The following ABCC1 variants were observed in gnomAD, a reference collection of about 807,000 sequenced individuals.
ABCC1 encodes the protein multidrug resistance-associated protein 1.
A neutral mutation model predicts 172.9 loss-of-function variants in ABCC1; 83 were observed. The ratio of observed to expected loss-of-function variants is 0.48; its 90% CI spans 0.40 to 0.58. The LOEUF (loss-of-function observed/expected upper bound fraction) is 0.58. Among genes scored for constraint, ABCC1 ranks in the 20% least tolerant of loss-of-function variants. The probability of loss-of-function intolerance (pLI) is 0.00; values close to 1 mark genes in which losing one functional copy is unlikely to be tolerated. For missense variants in ABCC1, 1,817 were observed against 2,002.7 expected, an observed-to-expected ratio of 0.91 and a Z score of 1.77; for synonymous variants, 937 against 825.2, an observed-to-expected ratio of 1.14 and a Z score of -2.32.
intron 29 of ABCC1, among the ~76,000 whole-genome samples, chr16:16,138,101 C>T (rs2045985670): frequency 6.6e-6 from 1 of 152,124 alleles, no homozygotes; most frequent in African/African-American, 2.4e-5. Context: ...AAGCTATCCT[C>T]CCACCTCAGC....
At chr16:16,045,446 A>G (rs889871198) in intron 8 of ABCC1, among the ~76,000 whole-genome samples, 2 of 151,690 alleles carry the variant, frequency 1.3e-5, no homozygotes, top group African/African-American at 4.8e-5. Flanking sequence ...AAAAACTGCA[A>G]CCAGGAACTG....
At chr16:16,093,694 C>G (rs1336979158) in intron 19 of ABCC1, among the ~76,000 whole-genome samples, 1 of 152,184 alleles carries the variant, frequency 6.6e-6, no homozygotes, top group East Asian at 1.9e-4. Flanking sequence ...CTGGTCTTGC[C>G]CAGCCTTAGC....
rs1390420368 is a variant in ABCC1 at position 16,124,385 on chromosome 16, G to A, written c.3591-404G>A. 9.5e-4 allele frequency among the ~76,000 whole-genome samples: 104 copies of A among 109,020 alleles called. 1 individual carries two copies. Among genetic ancestry groups the A allele is most frequent in the Middle Eastern group, 5.2e-3 (1 of 192 alleles). The allele number at this position is 109,020 out of a possible 152,430, so 71.5% of individuals were successfully genotyped here. A position where few individuals can be genotyped will look rare whatever the true frequency, so the allele number is the denominator to read the frequency against. ...TGACCCACTACGCCCGGCTGTGTGT[G>A]TGTGTGTGTGTGTGTGTGTGTGTGT... On this transcript the variant is annotated intron_variant, in intron 24 of 30. Coordinates refer to ENST00000399410, the MANE Select transcript of ABCC1 (RefSeq NM_004996.4).
intron 11 of ABCC1, among the ~76,000 whole-genome samples, chr16:16,055,094 G>A (rs1010827477): frequency 7.9e-5 from 12 of 152,178 alleles, no homozygotes; most frequent in African/African-American, 2.4e-5. Context: ...ACTGGGTGTG[G>A]TGGCATATGC....
At chr16:16,129,731 T>A (rs1166120005) in intron 26 of ABCC1, among the ~76,000 whole-genome samples, 1 of 151,992 alleles carries the variant, frequency 6.6e-6, no homozygotes, top group Non-Finnish European at 1.5e-5. Flanking sequence ...AGAGCCAGGG[T>A]TTCACCATGT....
chr16:16,063,716 G>C (rs2050006169), intron 12 of ABCC1, among the ~76,000 whole-genome samples: 1 of 152,146 alleles, frequency 6.6e-6, no homozygotes, highest in African/African-American at 2.4e-5. Flanking sequence ...CAACGTCTCT[G>C]ACTCTCAGCT....
chr16:16,038,597 C>T, intron 7 of ABCC1, among the ~76,000 whole-genome samples: 1 of 152,194 alleles, frequency 6.6e-6, no homozygotes, highest in South Asian at 2.1e-4. Context: ...TCCACTCATT[C>T]AAATGCCAGT....
At chr16:16,041,344 T>A (rs1214588071) in intron 7 of ABCC1, among the ~76,000 whole-genome samples, 1 of 152,088 alleles carries the variant, frequency 6.6e-6, no homozygotes, top group Non-Finnish European at 1.5e-5. Context: ...TTGTACAAGT[T>A]TTATTTATTC....
intron 7 of ABCC1, among the ~76,000 whole-genome samples, chr16:16,039,723 A>G (rs557285828): frequency 5.3e-5 from 8 of 152,084 alleles, no homozygotes; most frequent in Non-Finnish European, 7.3e-5. Context: ...TTTTTGTTCA[A>G]CATGCCCAGC....
chr16:16,051,611 A>T (rs2151901021), intron 10 of ABCC1, among the ~76,000 whole-genome samples: 1 of 152,248 alleles, frequency 6.6e-6, no homozygotes, highest in East Asian at 1.9e-4. Context: ...AACCATGATG[A>T]TTATGTGTGT....
intron 1 of ABCC1, among the ~76,000 whole-genome samples, chr16:15,971,966 C>G (rs2046380254): frequency 6.6e-6 from 1 of 152,128 alleles, no homozygotes; most frequent in Non-Finnish European, 1.5e-5. Flanking sequence ...GGCTCCAAAG[C>G]TGAGAGACGG....
intron 13 of ABCC1, among the ~76,000 whole-genome samples, chr16:16,068,637 G>A (rs916918210): frequency 2.0e-5 from 3 of 152,068 alleles, no homozygotes; most frequent in Admixed American, 6.6e-5. Flanking sequence ...GCTCTTGTCT[G>A]ACTTGATTGA....
chr16:16,105,571 A>T (rs1184543433), intron 20 of ABCC1: 1 of 152,172 alleles, frequency 6.6e-6, no homozygotes, highest in Admixed American at 6.5e-5. Flanking sequence ...GGGTGCAGGG[A>T]TGACTCATAT....
intron 1 of ABCC1, among the ~76,000 whole-genome samples, chr16:15,977,105 C>T (rs1022686227): frequency 6.6e-6 from 1 of 152,042 alleles, no homozygotes; most frequent in Non-Finnish European, 1.5e-5. Context: ...GCTCTGGGGT[C>T]GGGGGAGAGG....
At chr16:16,084,777 C>G (rs376168574) in intron 17 of ABCC1, among the ~76,000 whole-genome samples, 1 of 152,170 alleles carries the variant, frequency 6.6e-6, no homozygotes, top group Non-Finnish European at 1.5e-5. Context: ...CCTGCCACCA[C>G]GCACAGCTAA....
chr16:16,038,869 C>T (rs1287690606), intron 7 of ABCC1, among the ~76,000 whole-genome samples: 2 of 152,176 alleles, frequency 1.3e-5, no homozygotes, highest in Admixed American at 6.6e-5. Flanking sequence ...TCCCCTGGAG[C>T]TTGTCAGGAG....
intron 25 of ABCC1, among the ~76,000 whole-genome samples, chr16:16,125,185 T>C (rs1204235591): frequency 6.6e-6 from 1 of 152,226 alleles, no homozygotes; most frequent in African/African-American, 2.4e-5. Flanking sequence ...CTTTTAAAGC[T>C]ATGAATTTCC....
At chr16:16,034,576 T>C (rs1053044190) in intron 6 of ABCC1, among the ~76,000 whole-genome samples, 3 of 149,244 alleles carry the variant, frequency 2.0e-5, no homozygotes, top group African/African-American at 7.5e-5. Flanking sequence ...AGGCTGTATG[T>C]TAACTTTTTT....
intron 30 of ABCC1, among the ~76,000 whole-genome samples, chr16:16,139,401 C>G (rs1341729954): frequency 6.6e-6 from 1 of 151,852 alleles, no homozygotes; most frequent in Non-Finnish European, 1.5e-5. Context: ...CACCTGAGGT[C>G]GATAGTTTGA....
Sources: allele counts gnomAD v4.1 joint callset (sites outside exome capture counted in the v4.1 genomes callset), GRCh38; gene constraint gnomAD v4.1.1; transcripts MANE v1.5; gene names NCBI Gene and HGNC (gene_info 2026-07-23, HGNC 2026-07-21).